The following KCTD16 variants were observed in gnomAD, a reference collection of about 807,000 sequenced individuals.
KCTD16 encodes the protein BTB/POZ domain-containing protein KCTD16.
Under a neutral mutation model 33.2 loss-of-function variants are expected in KCTD16, and 13 were observed. The observed-to-expected ratio is 0.39, with a 90% CI of 0.25 to 0.62. KCTD16 has a LOEUF of 0.62. KCTD16 is among the 20% of genes least tolerant of loss of function. KCTD16 has a pLI of 0.50. For missense variants in KCTD16, 441 were observed against 525.1 expected, an observed-to-expected ratio of 0.84 and a Z score of 1.57; for synonymous variants, 197 against 195.3, an observed-to-expected ratio of 1.01 and a Z score of -0.07.
chr5:144,415,571 TAG>T (rs1753029961), intron 3 of KCTD16, among the ~76,000 whole-genome samples: 1 of 151,802 alleles, frequency 6.6e-6, no homozygotes, highest in Non-Finnish European at 1.5e-5. Context: ...ATTATATCCA[TAG>T]AAAAAAGACC....
intron 3 of KCTD16, among the ~76,000 whole-genome samples, chr5:144,428,648 G>A (rs1753389989): frequency 6.6e-6 from 1 of 152,156 alleles, no homozygotes; most frequent in Admixed American, 6.6e-5. Flanking sequence ...AAGCAATATT[G>A]TTTTCAAGCC....
At chr5:144,312,962 T>C (rs1751805881) in intron 3 of KCTD16, among the ~76,000 whole-genome samples, 1 of 152,248 alleles carries the variant, frequency 6.6e-6, no homozygotes, top group South Asian at 2.1e-4. Context: ...ATATCTCCGC[T>C]AATCGCCTTG....
rs557548283 is a variant in KCTD16, at chr5:144,481,639, C to T, written c.*7525C>T. On this transcript the variant is annotated 3_prime_UTR_variant, in exon 4 of 4. Coordinates refer to ENST00000512467, the MANE Select transcript of KCTD16 (RefSeq NM_020768.4). ...ATTTTATACAAGGGAAACTAAGGAC[C>T]CAGAAAGTTTAAATCGGTCATTTAT... 4 of 151,802 alleles carry T rather than the reference C, an allele frequency of 2.6e-5. No homozygotes were observed. Among genetic ancestry groups the T allele is most frequent in the East Asian group, 1.9e-4 (1 of 5,144 alleles). The allele number at this position is 151,802 out of a possible 1,614,324, so 9.4% of individuals were successfully genotyped here.
rs368957124 is a variant in KCTD16 at position 144,479,365 on chromosome 5, C to CAAAAAAAAAAAAA, written c.*5255_*5267dup. 1.8e-4 allele frequency: 17 copies of CAAAAAAAAAAAAA among 92,230 alleles called. No individual in the cohort carries two copies. Among genetic ancestry groups the CAAAAAAAAAAAAA allele is most frequent in the Non-Finnish European group, 2.7e-4 (13 of 48,794 alleles). The allele number at this position is 92,230 out of a possible 1,614,324, so 5.7% of individuals were successfully genotyped here. Reference sequence around the variant, plus strand: ...CCAAACTGATGTGTAAGAATAAATGCAAAAAAAAAAAAAAAAGAAAAAGAA... The same window carrying CAAAAAAAAAAAAA: ...CCAAACTGATGTGTAAGAATAAATGCAAAAAAAAAAAAAAAAAAAAAAAAAAAAAGAAAAAGAA... On this transcript the variant is annotated 3_prime_UTR_variant, in exon 4 of 4. Transcript: ENST00000512467.
chr5:144,297,240 A>G (rs962523674), intron 3 of KCTD16, among the ~76,000 whole-genome samples: 1 of 152,226 alleles, frequency 6.6e-6, no homozygotes, highest in African/African-American at 2.4e-5. Context: ...AAGTAAAACT[A>G]TACTACCATG....
chr5:144,265,087 G>C (rs1280906596), intron 3 of KCTD16, among the ~76,000 whole-genome samples: 1 of 152,086 alleles, frequency 6.6e-6, no homozygotes, highest in Admixed American at 6.6e-5. Flanking sequence ...ATTGAGTTGT[G>C]TTCTAATTTT....
At chr5:144,224,055 TTTTA>T (rs1189721767) in intron 3 of KCTD16, among the ~76,000 whole-genome samples, 1 of 152,200 alleles carries the variant, frequency 6.6e-6, no homozygotes, top group East Asian at 1.9e-4. Context: ...GTGTGTTCAT[TTTTA>T]TTTGTTTTGT....
rs200456602 is a variant in KCTD16 at position 144,207,011 on chromosome 5, C to G, written c.297C>G (p.His99Gln). 6.2e-7 allele frequency: 1 copy of G among 1,614,116 alleles called. No homozygotes were observed. The highest frequency in any genetic ancestry group is 8.5e-7 in the Non-Finnish European group (1 of 1,180,026). Residue 99 changes from histidine to glutamine, a missense_variant, in exon 3 of 4, where the codon CAC (histidine) becomes CAG (glutamine). Around this residue, in one of 3 missense-constraint regions of KCTD16, gnomAD observed 355 missense variants for 413.0 expected, o/e 0.86. Transcript: ENST00000512467. Reference sequence around the variant, plus strand: ...ACAGGCAGGTGGTCCTGCCTGATCACTTTCCAGAAAAAGGAAGACTGAAAA... The same window carrying G: ...ACAGGCAGGTGGTCCTGCCTGATCAGTTTCCAGAAAAAGGAAGACTGAAAA... ...LRDRQVVLPD[H>Q]FPEKGRLKRE...
chr5:144,387,303 T>C (rs999846159), intron 3 of KCTD16, among the ~76,000 whole-genome samples: 2 of 152,100 alleles, frequency 1.3e-5, no homozygotes, highest in Non-Finnish European at 2.9e-5. Flanking sequence ...ATAGTGTCTT[T>C]ATCATTTTCT....
chr5:144,330,411 C>CAAAAA (rs10577099), intron 3 of KCTD16, among the ~76,000 whole-genome samples: 2 of 87,402 alleles, frequency 2.3e-5, no homozygotes, highest in Non-Finnish European at 4.3e-5. Flanking sequence ...GAAACTCCAT[C>CAAAAA]AAAAAAAAAA....
intron 3 of KCTD16, among the ~76,000 whole-genome samples, chr5:144,462,267 T>C: frequency 6.6e-6 from 1 of 152,286 alleles, no homozygotes. Context: ...CCTCACTTCC[T>C]TTGTCTCTAC....
intron 3 of KCTD16, among the ~76,000 whole-genome samples, chr5:144,400,301 T>C (rs1752673876): frequency 6.6e-6 from 1 of 152,064 alleles, no homozygotes; most frequent in Non-Finnish European, 1.5e-5. Flanking sequence ...CTCTACCAGT[T>C]TGGAACAAGG....
chr5:144,330,484 C>A (rs984482256), intron 3 of KCTD16, among the ~76,000 whole-genome samples: 1 of 148,740 alleles, frequency 6.7e-6, no homozygotes, highest in Non-Finnish European at 1.5e-5. Context: ...CTGACTCTTA[C>A]AGTATTACCC....
intron 3 of KCTD16, among the ~76,000 whole-genome samples, chr5:144,220,018 C>G (rs1179124515): frequency 6.6e-6 from 1 of 152,184 alleles, no homozygotes; most frequent in Non-Finnish European, 1.5e-5. Flanking sequence ...AACTCACATT[C>G]CTTTAGTTCC....
intron 3 of KCTD16, among the ~76,000 whole-genome samples, chr5:144,472,289 T>C (rs1307022451): frequency 1.3e-5 from 2 of 152,152 alleles, no homozygotes; most frequent in East Asian, 3.9e-4. Context: ...CGGTAAATAG[T>C]ATTAAGTTTA....
intron 3 of KCTD16, among the ~76,000 whole-genome samples, chr5:144,367,328 C>T (rs1479573568): frequency 1.3e-5 from 2 of 152,106 alleles, no homozygotes; most frequent in Non-Finnish European, 2.9e-5. Flanking sequence ...AAGAGTGAAG[C>T]AGGAGTGGTG....
Position 144,301,038 on chromosome 5 carries a change from C to T in KCTD16, c.832+93492C>T, listed in dbSNP as rs148841758. The stretch of plus-strand genomic sequence containing the variant: ...CAGGAGGATCATAAGATCAAGAGAT[C>T]GAGACCATCCAGGCCAACACGGTGA... On this transcript the variant is annotated intron_variant, in intron 3 of 3. Coordinates refer to ENST00000512467, the MANE Select transcript of KCTD16 (RefSeq NM_020768.4). Among the ~76,000 whole-genome samples the T allele has an allele frequency of 2.9e-3, 435 of 151,988 alleles. 1 individual carries two copies. The highest frequency in any genetic ancestry group is 9.3e-3 in the African/African-American group (386 of 41,450).
chr5:144,267,832 G>T (rs922319360), intron 3 of KCTD16, among the ~76,000 whole-genome samples: 1 of 149,084 alleles, frequency 6.7e-6, no homozygotes, highest in Non-Finnish European at 1.5e-5. Flanking sequence ...TTATACAAAA[G>T]CACCATTTGC....
At chr5:144,287,698 G>A (rs183639534) in intron 3 of KCTD16, among the ~76,000 whole-genome samples, 107 of 152,140 alleles carry the variant, frequency 7.0e-4, no homozygotes, top group Non-Finnish European at 1.2e-3. Context: ...GTACAGTGGC[G>A]TAATATCAGC....
Sources: gnomAD v4.1 joint callset for allele counts (sites outside exome capture counted in the v4.1 genomes callset) on GRCh38, gnomAD v4.1.1 for gene constraint, gnomAD v4.1.1 regional missense constraint, MANE v1.5 for transcripts, NCBI Gene and HGNC (gene_info 2026-07-23, HGNC 2026-07-21) for gene names.